CACNA1E: variants seen among roughly 807,000 people sequenced by gnomAD.
CACNA1E encodes the protein voltage-dependent R-type calcium channel subunit alpha-1E.
Under a neutral mutation model 259.2 loss-of-function variants are expected in CACNA1E, and 40 were observed. The ratio of observed to expected loss-of-function variants is 0.15; its 90% CI spans 0.12 to 0.20. CACNA1E has a LOEUF of 0.20. CACNA1E is among the 10% of genes least tolerant of loss of function. CACNA1E has a pLI of 1.00. For synonymous variants in CACNA1E, 1,104 were observed against 1,138.5 expected, an observed-to-expected ratio of 0.97 and a Z score of 0.61; for missense variants, 1,874 against 3,040.1, an observed-to-expected ratio of 0.62 and a Z score of 9.02.
At chr1:181,720,714 A>G in intron 14 of CACNA1E, 69 bp from the exon 15 acceptor site, 1 of 889,408 alleles carries the variant, frequency 1.1e-6, no homozygotes, top group Non-Finnish European at 1.8e-6. Flanking sequence ...GAAAGCTGTG[A>G]TCTTGGGGAA....
At chr1:181,573,469 G>A (rs981821578) in intron 3 of CACNA1E, among the ~76,000 whole-genome samples, 6 of 152,202 alleles carry the variant, frequency 3.9e-5, no homozygotes, top group Non-Finnish European at 5.9e-5. Context: ...TAGGAGGCAA[G>A]TCTTTAACTT....
rs868275863 is a variant in CACNA1E at position 181,612,789 on chromosome 1, C to T, written c.951+32013C>T. On this transcript the variant is annotated intron_variant, in intron 6 of 47. Coordinates refer to ENST00000367573, the MANE Select transcript of CACNA1E (RefSeq NM_001205293.3). ...CCCCCTCCTTCAGTTTTTGAGTACA[C>T]ATATAACTGTCAGGTTGACTGAATA... is the stretch of plus-strand genomic sequence containing the variant. Among the ~76,000 whole-genome samples the T allele has an allele frequency of 9.8e-5, 15 of 152,326 alleles. No individual in the cohort carries two copies. In the Middle Eastern group the frequency reaches 0.014, roughly 138 times the overall value.
At position 181,369,852 on chromosome 1, in the gene CACNA1E, G is replaced by A. The variant is rs536477687; in HGVS notation, c.-14-43281G>A. ...GGTACATGTTCAGGTTTGTCATATA[G>A]GCAAATTGTGTGTCATGGGGGTTTG... On this transcript the variant is annotated intron_variant, in intron 1 of 11. Coordinates refer to the CACNA1E transcript ENST00000524607. Among the ~76,000 whole-genome samples the A allele has an allele frequency of 2.6e-5, 4 of 152,212 alleles. No homozygotes were observed. The South Asian group carries it at 8.3e-4, about 32-fold the overall frequency.
At chr1:181,625,110 A>G (rs1018721210) in intron 6 of CACNA1E, among the ~76,000 whole-genome samples, 1 of 149,740 alleles carries the variant, frequency 6.7e-6, no homozygotes, top group African/African-American at 2.5e-5. Context: ...TATTAAGGAA[A>G]CCATGCTGTA....
intron 1 of CACNA1E, among the ~76,000 whole-genome samples, chr1:181,366,341 A>G (rs566733600): frequency 1.3e-5 from 2 of 152,298 alleles, no homozygotes; most frequent in East Asian, 3.9e-4. Context: ...GCAATGTGCT[A>G]GAATCTGATT....
chr1:181,411,076 A>C (rs1657806782), intron 1 of CACNA1E, among the ~76,000 whole-genome samples: 1 of 152,172 alleles, frequency 6.6e-6, no homozygotes, highest in African/African-American at 2.4e-5. Flanking sequence ...ACCTGTGGTC[A>C]CTGAGACGTG....
intron 25 of CACNA1E, among the ~76,000 whole-genome samples, chr1:181,742,417 T>C (rs942606276): frequency 6.6e-6 from 1 of 152,228 alleles, no homozygotes; most frequent in African/African-American, 2.4e-5. Flanking sequence ...TCATATCCCA[T>C]ATATTTGCCC....
At chr1:181,622,615 G>T (rs1042569945) in intron 6 of CACNA1E, among the ~76,000 whole-genome samples, 9 of 152,102 alleles carry the variant, frequency 5.9e-5, no homozygotes, top group Non-Finnish European at 1.0e-4. Flanking sequence ...TTGGATTAGG[G>T]CCCACCCTAT....
chr1:181,487,602 G>A (rs538224278), intron 1 of CACNA1E, among the ~76,000 whole-genome samples: 2 of 152,254 alleles, frequency 1.3e-5, no homozygotes, highest in South Asian at 2.1e-4. Flanking sequence ...ACGATTCCTC[G>A]TTTTCATTTT....
At chr1:181,552,855 G>T (rs1648319499) in intron 3 of CACNA1E, among the ~76,000 whole-genome samples, 1 of 151,894 alleles carries the variant, frequency 6.6e-6, no homozygotes, top group East Asian at 1.9e-4. Context: ...CCATTGGTCT[G>T]TATATCTGTT....
chr1:181,479,031 G>A (rs1353625129), upstream of CACNA1E, among the ~76,000 whole-genome samples: 1 of 152,226 alleles, frequency 6.6e-6, no homozygotes, highest in Non-Finnish European at 1.5e-5. Flanking sequence ...GCTTTATAAA[G>A]TAGGAAAGTT....
intron 1 of CACNA1E, among the ~76,000 whole-genome samples, chr1:181,351,125 G>A (rs780565969): frequency 3.3e-5 from 5 of 152,252 alleles, no homozygotes; most frequent in Non-Finnish European, 5.9e-5. Context: ...GTGAAGAGCT[G>A]TAGGAGCAGG....
In CACNA1E at chr1:181,801,300, A is replaced by G. The variant is rs551882010; in HGVS notation, c.*2466A>G. 6.5e-6 allele frequency: 1 copy of G among 152,746 alleles called. No individual in the cohort carries two copies. The highest frequency in any genetic ancestry group is 2.4e-5 in the African/African-American group (1 of 41,582). 9.5% of individuals were successfully genotyped at this position (152,746 alleles called of 1,614,324 possible). ...CAGGCTGGCAGAGCAATTTCCAGAAATGGAATTTGCCTGCAAATAGTATAA... is the reference window on the plus strand; with the variant it reads ...CAGGCTGGCAGAGCAATTTCCAGAAGTGGAATTTGCCTGCAAATAGTATAA... On this transcript the variant is annotated 3_prime_UTR_variant, in exon 48 of 48. Coordinates refer to ENST00000367573, the MANE Select transcript of CACNA1E (RefSeq NM_001205293.3).
chr1:181,612,127 C>T (rs1333026067), intron 6 of CACNA1E, among the ~76,000 whole-genome samples: 1 of 152,138 alleles, frequency 6.6e-6, no homozygotes, highest in Non-Finnish European at 1.5e-5. Context: ...GGCCTGGCCA[C>T]CTATGGAAGC....
intron 3 of CACNA1E, among the ~76,000 whole-genome samples, chr1:181,520,591 A>G (rs534143300): frequency 2.4e-4 from 37 of 152,302 alleles, no homozygotes; most frequent in African/African-American, 8.9e-4. Context: ...TTTTAAAACT[A>G]TGGTAAATTT....
chr1:181,321,258 A>T lies in CACNA1E; in HGVS notation c.-15+3135A>T, dbSNP rs111260111. Among the ~76,000 whole-genome samples the T allele has an allele frequency of 9.4e-3, 1,430 of 152,278 alleles. 25 individuals carry two copies. Among genetic ancestry groups the T allele is most frequent in the African/African-American group, 0.032 (1,325 of 41,556 alleles). The stretch of plus-strand genomic sequence containing the variant: ...CATTTCAGCATGAGATTTGGAAGGG[A>T]TGAACAACCAAACTTTGTGTGTCTT... On this transcript the variant is annotated intron_variant, in intron 1 of 11. Transcript: ENST00000524607.
At chr1:181,490,617 T>C (rs116077409) in intron 1 of CACNA1E, among the ~76,000 whole-genome samples, 351 of 151,542 alleles carry the variant, frequency 2.3e-3, no homozygotes, top group African/African-American at 8.2e-3. Context: ...CTTGAGGCTA[T>C]ATTTTTGTGT....
chr1:181,671,764 G>A (rs1648823617), intron 7 of CACNA1E, among the ~76,000 whole-genome samples: 1 of 152,212 alleles, frequency 6.6e-6, no homozygotes. Flanking sequence ...CGGAGCAATA[G>A]GACCTTGAAT....
intron 3 of CACNA1E, among the ~76,000 whole-genome samples, chr1:181,573,278 G>A (rs2102946886): frequency 6.6e-6 from 1 of 152,250 alleles, no homozygotes; most frequent in African/African-American, 2.4e-5. Flanking sequence ...AACTAACTCT[G>A]TTATAATGCT....
Sources: gnomAD v4.1 joint callset for allele counts (sites outside exome capture counted in the v4.1 genomes callset) on GRCh38, gnomAD v4.1.1 for gene constraint, MANE v1.5 for transcripts, NCBI Gene and HGNC (gene_info 2026-07-23, HGNC 2026-07-21) for gene names.